Variants in GALK2 observed in about 807,000 individuals in gnomAD.
GALK2 encodes the protein galactokinase 2.
GALK2 carries 36 observed loss-of-function variants against 52.4 expected under a neutral mutation model. The ratio of observed to expected loss-of-function variants is 0.69; its 90% CI spans 0.53 to 0.91. GALK2 has a LOEUF of 0.91. Among genes scored for constraint, GALK2 ranks in the 40% least tolerant of loss-of-function variants. The pLI, the probability that GALK2 is intolerant of heterozygous loss-of-function variation, is 0.00. For synonymous variants in GALK2, 176 were observed against 199.1 expected (o/e 0.88, Z 0.98); for missense variants, 579 against 559.1 (o/e 1.04, Z -0.36).
chr15:49,242,525 C>T (rs960038756), intron 5 of GALK2, among the ~76,000 whole-genome samples: 6 of 152,240 alleles, frequency 3.9e-5, no homozygotes, highest in African/African-American at 1.2e-4. Flanking sequence ...GATAAGGACA[C>T]TAAGTCCCAC....
intron 5 of GALK2, among the ~76,000 whole-genome samples, chr15:49,264,606 T>C (rs917769333): frequency 5.2e-4 from 79 of 152,330 alleles, no homozygotes; most frequent in Admixed American, 1.6e-3. Context: ...CTTTGTTCCA[T>C]TGCTGGTGAG....
In GALK2 at chr15:49,330,094, A is replaced by G. The variant is rs949138876; in HGVS notation, c.*1935A>G. 4 of 152,290 alleles carry G rather than the reference A, an allele frequency of 2.6e-5. No homozygotes were observed. Among genetic ancestry groups the G allele is most frequent in the Non-Finnish European group, 5.9e-5 (4 of 68,082 alleles). The allele number at this position is 152,290 out of a possible 1,614,324, so 9.4% of individuals were successfully genotyped here. On this transcript the variant is annotated 3_prime_UTR_variant, in exon 10 of 10. Transcript: ENST00000560031. ...GGCCGGGGCCATTAGAAAAAAGATCATGCAGTAAATGGACTTTGAGCATGG... is the reference window on the plus strand; with the variant it reads ...GGCCGGGGCCATTAGAAAAAAGATCGTGCAGTAAATGGACTTTGAGCATGG...
chr15:49,247,278 G>T (rs2091397720), intron 5 of GALK2, among the ~76,000 whole-genome samples: 1 of 152,122 alleles, frequency 6.6e-6, no homozygotes, highest in African/African-American at 2.4e-5. Flanking sequence ...GGGCCATGGT[G>T]TGTAGCATCT....
intron 3 of GALK2, among the ~76,000 whole-genome samples, chr15:49,220,603 T>G (rs1299444277): frequency 8.5e-5 from 13 of 152,182 alleles, no homozygotes; most frequent in African/African-American, 3.1e-4. Context: ...TACGCAGTAT[T>G]AGGGTTGCTG....
intron 3 of GALK2, among the ~76,000 whole-genome samples, chr15:49,231,505 T>G (rs1270992201): frequency 6.6e-6 from 1 of 152,188 alleles, no homozygotes; most frequent in Admixed American, 6.5e-5. Flanking sequence ...AATTCAGTCA[T>G]CCTTCTCAAC....
intron 8 of GALK2, among the ~76,000 whole-genome samples, chr15:49,317,922 T>C (rs1417848902): frequency 2.0e-5 from 3 of 151,956 alleles, no homozygotes. Flanking sequence ...GGTTGGGAGC[T>C]AGGGGAGGGA....
Position 49,328,208 on chromosome 15 carries a change from G to C in GALK2, c.*49G>C, listed in dbSNP as rs760278080. 3.8e-6 allele frequency: 6 copies of C among 1,561,096 alleles called. No homozygotes were observed. The African/African-American group carries it at 6.8e-5, about 18-fold the overall frequency. ...AACTACTTAGGGCACTTAGGAATTG[G>C]CAGGACTTTCTGTGCCACAGTAAAT... On this transcript the variant is annotated 3_prime_UTR_variant, in exon 10 of 10. Transcript: ENST00000560031.
intron 8 of GALK2, among the ~76,000 whole-genome samples, chr15:49,292,893 G>A (rs184450212): frequency 7.9e-5 from 12 of 151,964 alleles, no homozygotes; most frequent in South Asian, 2.1e-4. Flanking sequence ...AACAATACTC[G>A]GAACACTATA....
At chr15:49,327,461 C>T (rs16962327) in intron 9 of GALK2, 3,412 of 152,520 alleles carry the variant, frequency 0.022, 103 homozygotes, top group South Asian at 0.077. Context: ...TGAAACAGCC[C>T]GGCCTTAAGA....
chr15:49,340,402 C>G (rs1429275414), intron 3 of GALK2, among the ~76,000 whole-genome samples: 2 of 91,186 alleles, frequency 2.2e-5, no homozygotes, highest in Non-Finnish European at 4.6e-5. Context: ...GGCAGTGCCC[C>G]GCCCCCCCCC....
intron 3 of GALK2, among the ~76,000 whole-genome samples, chr15:49,220,108 G>T (rs1267740593): frequency 3.0e-5 from 3 of 99,718 alleles, no homozygotes; most frequent in East Asian, 2.6e-4. Flanking sequence ...TCATTTCTGT[G>T]TTGGGACATT....
intron 3 of GALK2, among the ~76,000 whole-genome samples, chr15:49,345,160 A>C (rs2041280787): frequency 6.6e-6 from 1 of 152,178 alleles, no homozygotes; most frequent in African/African-American, 2.4e-5. Context: ...ACTTTGAACA[A>C]ATTTTGGATT....
chr15:49,217,097 C>T (rs993658234), intron 2 of GALK2, 93 bp from the exon 3 acceptor site: 43 of 1,073,336 alleles, frequency 4.0e-5, no homozygotes, highest in Non-Finnish European at 5.6e-5. Context: ...TAAAACCTGG[C>T]TCATGGTCAG....
At chr15:49,182,901 A>G (rs761663914) in intron 1 of GALK2, among the ~76,000 whole-genome samples, 1 of 152,114 alleles carries the variant, frequency 6.6e-6, no homozygotes, top group Non-Finnish European at 1.5e-5. Flanking sequence ...CCAGTCAGAT[A>G]GTTTGCAAAT....
intron 8 of GALK2, among the ~76,000 whole-genome samples, chr15:49,312,384 C>G (rs2036065926): frequency 6.6e-6 from 1 of 152,206 alleles, no homozygotes; most frequent in Non-Finnish European, 1.5e-5. Flanking sequence ...CTTGTTTCCT[C>G]TCCTCAGGAA....
intron 6 of GALK2, among the ~76,000 whole-genome samples, chr15:49,282,524 T>C (rs1362885975): frequency 6.6e-6 from 1 of 152,164 alleles, no homozygotes; most frequent in Non-Finnish European, 1.5e-5. Flanking sequence ...TTTTATAATT[T>C]ACTCTTTGGT....
At chr15:49,357,931 A>G (rs1315592504) in intron 3 of GALK2, among the ~76,000 whole-genome samples, 3 of 152,048 alleles carry the variant, frequency 2.0e-5, no homozygotes, top group Non-Finnish European at 4.4e-5. Context: ...GGCTGGTTCA[A>G]TATACACAAA....
At chr15:49,343,432 T>C (rs976825457) in intron 3 of GALK2, among the ~76,000 whole-genome samples, 1 of 152,034 alleles carries the variant, frequency 6.6e-6, no homozygotes, top group Non-Finnish European at 1.5e-5. Context: ...GATTTAGGAG[T>C]TTCTTTGTGT....
chr15:49,289,589 T>A (rs74014921), intron 7 of GALK2, among the ~76,000 whole-genome samples: 2 of 152,170 alleles, frequency 1.3e-5, no homozygotes, highest in African/African-American at 4.8e-5. Flanking sequence ...CTGGGAGTTA[T>A]TGGGTAAATA....
Sources: gnomAD v4.1 joint callset for allele counts (sites outside exome capture counted in the v4.1 genomes callset) on GRCh38, gnomAD v4.1.1 for gene constraint, MANE v1.5 for transcripts, NCBI Gene and HGNC (gene_info 2026-07-23, HGNC 2026-07-21) for gene names.